TTC29: variants seen among roughly 807,000 people sequenced by gnomAD.
TTC29 encodes tetratricopeptide repeat domain 29, also known as tetratricopeptide repeat protein 29.
TTC29 carries 49 observed loss-of-function variants against 58.1 expected under a neutral mutation model. That is an observed-to-expected ratio of 0.84 (90% CI 0.67 to 1.07). The LOEUF (loss-of-function observed/expected upper bound fraction) is 1.07. Ranked by LOEUF, TTC29 falls within the 50% of genes least tolerant of loss-of-function variation. The probability of loss-of-function intolerance (pLI) is 0.00; values close to 1 mark genes in which losing one functional copy is unlikely to be tolerated. For synonymous variants in TTC29, 209 were observed against 196.8 expected, an observed-to-expected ratio of 1.06 and a Z score of -0.52; for missense variants, 582 against 555.6, an observed-to-expected ratio of 1.05 and a Z score of -0.48.
At chr4:146,931,915 C>A (rs114900493) in intron 4 of TTC29, among the ~76,000 whole-genome samples, 1 of 152,150 alleles carries the variant, frequency 6.6e-6, no homozygotes, top group Non-Finnish European at 1.5e-5. Flanking sequence ...AAAAAAGCTC[C>A]TTCCAACTAC....
chr4:146,936,174 G>T (rs892542896), intron 4 of TTC29, among the ~76,000 whole-genome samples: 3 of 152,164 alleles, frequency 2.0e-5, no homozygotes, highest in Non-Finnish European at 4.4e-5. Flanking sequence ...TGATGAATTT[G>T]AAATCAATTT....
intron 10 of TTC29, chr4:146,813,052 C>G (rs1478487607): frequency 6.6e-6 from 1 of 152,158 alleles, no homozygotes; most frequent in African/African-American, 2.4e-5. Context: ...AGGACAGGAT[C>G]TTGATGACAT....
intron 2 of TTC29, chr4:146,942,891 G>T: frequency 2.9e-6 from 1 of 341,052 alleles, no homozygotes. Context: ...GAGGAACAGT[G>T]CTTGCAATTT....
At chr4:146,757,953 G>C (rs927651989) in intron 11 of TTC29, among the ~76,000 whole-genome samples, 2 of 151,816 alleles carry the variant, frequency 1.3e-5, no homozygotes, top group Non-Finnish European at 2.9e-5. Flanking sequence ...AAATACACAG[G>C]CAACAAAGAG....
At chr4:146,787,064 A>T (rs771382966) in intron 11 of TTC29, among the ~76,000 whole-genome samples, 13 of 152,150 alleles carry the variant, frequency 8.5e-5, no homozygotes, top group Non-Finnish European at 1.8e-4. Context: ...ATTTAAAGTC[A>T]CAGAACTGAA....
At chr4:146,924,012 T>G (rs1195053725) in intron 4 of TTC29, among the ~76,000 whole-genome samples, 1 of 151,782 alleles carries the variant, frequency 6.6e-6, no homozygotes, top group Non-Finnish European at 1.5e-5. Context: ...AAAGGAACAT[T>G]TCAATTCAGG....
chr4:146,859,051 A>G (rs1730059110), intron 8 of TTC29, among the ~76,000 whole-genome samples: 1 of 152,182 alleles, frequency 6.6e-6, no homozygotes, highest in South Asian at 2.1e-4. Context: ...GCATTCCAGG[A>G]AACTCTAATG....
chr4:146,939,177 G>A (rs1473981937), intron 3 of TTC29, among the ~76,000 whole-genome samples: 3 of 152,126 alleles, frequency 2.0e-5, no homozygotes, highest in Non-Finnish European at 4.4e-5. Flanking sequence ...CTTTCAGTCT[G>A]GGCATGGCGG....
Position 146,937,682 on chromosome 4 carries a change from A to G in TTC29, c.93-5T>C. ...TTTTCTTTGATCAATTGAGACCTAA[A>G]TGAAATAGAAAGAAATAATAAAGCA... On this transcript the variant is annotated splice_region_variant and splice_polypyrimidine_tract_variant and intron_variant, in intron 3 of 12. Coordinates refer to ENST00000325106, the MANE Select transcript of TTC29 (RefSeq NM_031956.4). 1 of 1,450,410 alleles carries G rather than the reference A, an allele frequency of 6.9e-7. No homozygotes were observed. Among genetic ancestry groups the G allele is most frequent in the Non-Finnish European group, 9.3e-7 (1 of 1,071,228 alleles). 89.8% of individuals were successfully genotyped at this position (1,450,410 alleles called of 1,614,324 possible).
chr4:146,921,129 G>A (rs78541258), intron 4 of TTC29, among the ~76,000 whole-genome samples: 1,822 of 151,598 alleles, frequency 0.012, 26 homozygotes, highest in Non-Finnish European at 0.018. Flanking sequence ...CACATGAACA[G>A]TGAAGCCAGG....
At chr4:146,860,868 A>C (rs1730187401) in intron 8 of TTC29, among the ~76,000 whole-genome samples, 1 of 152,188 alleles carries the variant, frequency 6.6e-6, no homozygotes, top group African/African-American at 2.4e-5. Context: ...AGTTAACACT[A>C]ATGTTAGAAG....
At chr4:146,872,864 C>T (rs1731023856) in intron 7 of TTC29, among the ~76,000 whole-genome samples, 3 of 151,996 alleles carry the variant, frequency 2.0e-5, no homozygotes, top group Non-Finnish European at 4.4e-5. Context: ...TATAACCCAG[C>T]GATGCCACTC....
chr4:146,930,710 T>G (rs928399608), intron 4 of TTC29, among the ~76,000 whole-genome samples: 4 of 152,216 alleles, frequency 2.6e-5, no homozygotes, highest in African/African-American at 9.7e-5. Flanking sequence ...GAAGACACTA[T>G]CAAAGACAAA....
intron 5 of TTC29, among the ~76,000 whole-genome samples, chr4:146,908,391 T>C (rs1347639053): frequency 6.6e-6 from 1 of 152,178 alleles, no homozygotes; most frequent in Admixed American, 6.5e-5. Flanking sequence ...AATATCAGTA[T>C]AATTAGTGTA....
intron 11 of TTC29, among the ~76,000 whole-genome samples, chr4:146,771,575 G>A (rs1025301182): frequency 2.0e-5 from 3 of 152,020 alleles, no homozygotes; most frequent in Non-Finnish European, 4.4e-5. Context: ...CCATATTGCT[G>A]CAAAGGACAT....
Position 146,742,519 on chromosome 4 carries a change from A to G in TTC29, c.1331-34968T>C, listed in dbSNP as rs183142274. ...GTAAAAGAAATACTTCAAAACATTG[A>G]AAAAAATTTGTATTCACATCAGTGT... On this transcript the variant is annotated intron_variant, in intron 11 of 12. Coordinates refer to ENST00000325106, the MANE Select transcript of TTC29 (RefSeq NM_031956.4). 2.5e-4 allele frequency among the ~76,000 whole-genome samples: 38 copies of G among 152,236 alleles called. No individual in the cohort carries two copies. In the East Asian group the frequency reaches 7.2e-3, roughly 29 times the overall value.
chr4:146,835,787 G>A (rs183753030), intron 8 of TTC29, among the ~76,000 whole-genome samples: 2 of 152,144 alleles, frequency 1.3e-5, no homozygotes, highest in Admixed American at 1.3e-4. Flanking sequence ...AACAATCAGA[G>A]GTGCCCAGTT....
chr4:146,752,045 T>C (rs1052090139), intron 11 of TTC29, among the ~76,000 whole-genome samples: 4 of 151,860 alleles, frequency 2.6e-5, no homozygotes, highest in African/African-American at 9.7e-5. Context: ...CTATTCAACA[T>C]AGTGTTGGAA....
At chr4:146,919,186 T>C (rs898170747) in intron 4 of TTC29, among the ~76,000 whole-genome samples, 7 of 151,218 alleles carry the variant, frequency 4.6e-5, no homozygotes, top group East Asian at 3.9e-4. Context: ...AGGGACAGTA[T>C]TTTCAAGCCA....
Sources: allele counts gnomAD v4.1 joint callset (sites outside exome capture counted in the v4.1 genomes callset), GRCh38; gene constraint gnomAD v4.1.1; transcripts MANE v1.5; gene names NCBI Gene and HGNC (gene_info 2026-07-23, HGNC 2026-07-21).